The following TTF1 variants were observed in gnomAD, a reference collection of about 807,000 sequenced individuals.
The protein encoded by TTF1 is transcription termination factor 1, also known as transcription termination factor, RNA polymerase I.
A neutral mutation model predicts 80.2 loss-of-function variants in TTF1; 64 were observed. The observed-to-expected ratio is 0.80, with a 90% CI of 0.65 to 0.98. The LOEUF is 0.98. Among genes scored for constraint, TTF1 ranks in the 50% least tolerant of loss-of-function variants. The probability of loss-of-function intolerance (pLI) is 0.00; values close to 1 mark genes in which losing one functional copy is unlikely to be tolerated. For missense variants in TTF1, 1,023 were observed against 1,086.2 expected, an observed-to-expected ratio of 0.94 and a Z score of 0.82; for synonymous variants, 372 against 382.7, an observed-to-expected ratio of 0.97 and a Z score of 0.33.
intron 5 of TTF1, among the ~76,000 whole-genome samples, chr9:132,395,414 G>C (rs1358433537): frequency 2.0e-5 from 3 of 152,014 alleles, no homozygotes; most frequent in Admixed American, 6.5e-5. Context: ...TTTCATTCCT[G>C]TGTGTGTGTC....
At chr9:132,379,235 G>T in intron 9 of TTF1, 91 bp from the exon 10 acceptor site, 1 of 908,222 alleles carries the variant, frequency 1.1e-6, no homozygotes, top group South Asian at 2.0e-5. Context: ...TTCAGGTGAG[G>T]TTTATAGTTT....
rs771055856 is a variant in TTF1 at position 132,398,326 on chromosome 9, C to A, written c.1592G>T (p.Gly531Val). 6 of 1,603,330 alleles carry A rather than the reference C, an allele frequency of 3.7e-6. No homozygotes were observed. The Admixed American group carries it at 8.9e-5, about 24-fold the overall frequency. Residue 531 changes from glycine to valine, a missense_variant and splice_region_variant, in exon 4 of 11, where the codon GGT becomes GTT. By Grantham distance (109) the Gly-to-Val change is moderately radical (BLOSUM62 -3). Transcript: ENST00000334270. ...LERFKEFKAQ[G>V]VAIKFGKFSV... ...AAACTTGCCAAATTTAATAGCGACACCTAGAATTGGGAAGGAACAGGGAGA... is the reference window on the plus strand; with the variant it reads ...AAACTTGCCAAATTTAATAGCGACAACTAGAATTGGGAAGGAACAGGGAGA...
chr9:132,406,723 C>T (rs1397982083), intron 1 of TTF1, 67 bp downstream of exon 1: 1 of 152,100 alleles, frequency 6.6e-6, no homozygotes, highest in Admixed American at 6.5e-5. Context: ...GGAAACCCAC[C>T]ACCCCACGCT....
intron 4 of TTF1, 78 bp from the exon 5 acceptor site, chr9:132,396,589 T>G (rs1849653645): frequency 8.4e-7 from 1 of 1,190,570 alleles, no homozygotes; most frequent in Non-Finnish European, 1.3e-6. Flanking sequence ...AGAACAGCCC[T>G]TATAACAACA....
At chr9:132,379,396 A>AT (rs1849326641) in intron 9 of TTF1, among the ~76,000 whole-genome samples, 1 of 152,244 alleles carries the variant, frequency 6.6e-6, no homozygotes, top group Non-Finnish European at 1.5e-5. Context: ...TTAAATTAAG[A>AT]TAACTTGTAT....
Position 132,402,338 on chromosome 9 carries a change from T to C in TTF1, c.484A>G (p.Lys162Glu). The C allele has an allele frequency of 1.2e-6, 2 of 1,614,160 alleles. No homozygotes were observed. Among genetic ancestry groups the C allele is most frequent in the Non-Finnish European group, 1.7e-6 (2 of 1,180,012 alleles). Residue 162 changes from lysine to glutamate, a missense_variant, in exon 2 of 11, where the codon AAA becomes GAA. Transcript: ENST00000334270. Reference protein sequence around the residue: ...HAHKSEALHSKVREKKNKKHQ... With the variant: ...HAHKSEALHSEVREKKNKKHQ... ...TTTTTATTCTTTTTCTCCCTAACTTTACTGTGCAGGGCTTCTGATTTATGT... is the reference window on the plus strand; with the variant it reads ...TTTTTATTCTTTTTCTCCCTAACTTCACTGTGCAGGGCTTCTGATTTATGT...
rs760913419 is a variant in TTF1, at chr9:132,379,135, A to G, written c.2388T>C (p.Pro796=). 2 of 1,605,390 alleles carry G rather than the reference A, an allele frequency of 1.2e-6. No homozygotes were observed. Among genetic ancestry groups the G allele is most frequent in the East Asian group, 2.2e-5 (1 of 44,824 alleles). Residue 796 remains proline (P), a synonymous_variant, in exon 10 of 11, where the codon CCT becomes CCC. Coordinates refer to ENST00000334270, the MANE Select transcript of TTF1 (RefSeq NM_007344.4). ...EDLASAIGDV[P]PSYVQTKFSR... The stretch of plus-strand genomic sequence containing the variant: ...AAAATTTAGTTTGAACGTAAGATGG[A>G]GGAACATCACTTTAGAAAAGGAAAG...
chr9:132,402,110 C>T lies in TTF1; in HGVS notation c.712G>A (p.Glu238Lys). ...NREYETLAMP[E>K]GSQAGREAGT... is the part of the protein sequence containing the mutation. ...GCCTCTCTGCCTGCTTGCGATCCTT[C>T]AGGCATGGCCAGTGTCTCATATTCC... The change falls in exon 2 of 11, where the codon GAA (glutamate) becomes AAA (lysine). Residue 238 changes from glutamate (E) to lysine (K), a missense_variant. Coordinates refer to ENST00000334270, the MANE Select transcript of TTF1 (RefSeq NM_007344.4). 7.4e-6 allele frequency: 12 copies of T among 1,614,150 alleles called. No homozygotes were observed. Among genetic ancestry groups the T allele is most frequent in the South Asian group, 2.2e-5 (2 of 91,072 alleles).
chr9:132,402,228 C>T lies in TTF1; in HGVS notation c.594G>A (p.Trp198Ter). 1 of 1,614,140 alleles carries T rather than the reference C, an allele frequency of 6.2e-7. No homozygotes were observed. Among genetic ancestry groups the T allele is most frequent in the Non-Finnish European group, 8.5e-7 (1 of 1,180,030 alleles). ...TTTCACCCCCTGGACCCACAGAAAG[C>T]CAGGACTCCTCCTGGTGGGATTCTG... ...PQSESHQEES[W>*]LSVGPGGEIT... is the part of the protein sequence containing the mutation. The change falls in exon 2 of 11, where the codon TGG becomes TGA. Residue 198 changes from tryptophan to a stop codon, truncating the protein, a stop_gained. Coordinates refer to ENST00000334270, the MANE Select transcript of TTF1 (RefSeq NM_007344.4). LOFTEE classifies it high-confidence loss of function.
At chr9:132,377,723 T>C (rs1849242946) in intron 10 of TTF1, among the ~76,000 whole-genome samples, 1 of 102,696 alleles carries the variant, frequency 9.7e-6, no homozygotes. Context: ...AGTGCATGTG[T>C]GTGTGAGTGC....
chr9:132,392,877 TA>T (rs1300399267), intron 5 of TTF1, among the ~76,000 whole-genome samples: 5 of 152,216 alleles, frequency 3.3e-5, no homozygotes, highest in African/African-American at 1.2e-4. Flanking sequence ...CTCAATACAT[TA>T]AAAATGCCTA....
chr9:132,386,924 C>A (rs1288331659), intron 8 of TTF1, among the ~76,000 whole-genome samples: 1 of 152,220 alleles, frequency 6.6e-6, no homozygotes, highest in African/African-American at 2.4e-5. Flanking sequence ...CATAGACACA[C>A]AGTAAGAGGA....
chr9:132,387,357 A>T (rs1849487554), intron 8 of TTF1, among the ~76,000 whole-genome samples: 1 of 152,104 alleles, frequency 6.6e-6, no homozygotes, highest in Admixed American at 6.5e-5. Context: ...AGATTGCATG[A>T]CTAATAGGTG....
At chr9:132,381,350 C>T (rs1849368408) in intron 9 of TTF1, among the ~76,000 whole-genome samples, 1 of 152,004 alleles carries the variant, frequency 6.6e-6, no homozygotes, top group East Asian at 1.9e-4. Flanking sequence ...GCTACCACGC[C>T]CAGCTAATTT....
intron 10 of TTF1, among the ~76,000 whole-genome samples, chr9:132,378,310 T>A (rs1463183204): frequency 2.9e-5 from 4 of 135,754 alleles, no homozygotes; most frequent in African/African-American, 8.5e-5. Context: ...GTGGTGTGTG[T>A]GAGTGCATGT....
intron 1 of TTF1, among the ~76,000 whole-genome samples, chr9:132,404,398 G>T (rs1929904): frequency 4.0e-5 from 6 of 150,816 alleles, no homozygotes; most frequent in African/African-American, 1.2e-4. Context: ...CTCTCTCTCT[G>T]TCTCGCTGCA....
rs147922391 is a variant in TTF1, at chr9:132,395,371, T to G, written c.1856+1062A>C. ...CAGCACAAAGAGATGAACTGTTAGATTTTTAGAATGACTCTAAAAATTACT... is the reference window on the plus strand; with the variant it reads ...CAGCACAAAGAGATGAACTGTTAGAGTTTTAGAATGACTCTAAAAATTACT... On this transcript the variant is annotated intron_variant, in intron 5 of 10. Coordinates refer to ENST00000334270, the MANE Select transcript of TTF1 (RefSeq NM_007344.4). Among the ~76,000 whole-genome samples, 477 of 152,296 alleles carry G rather than the reference T, an allele frequency of 3.1e-3. 2 individuals carry two copies. The highest frequency in any genetic ancestry group is 0.011 in the African/African-American group (463 of 41,560).
intron 2 of TTF1, among the ~76,000 whole-genome samples, chr9:132,401,057 C>A (rs151077583): frequency 6.6e-6 from 1 of 152,120 alleles, no homozygotes; most frequent in African/African-American, 2.4e-5. Context: ...AGGGTAGGCA[C>A]GGTGGTTCAC....
chr9:132,390,976 A>G (rs1849549744), intron 6 of TTF1, 145 bp from the exon 7 acceptor site: 1 of 709,308 alleles, frequency 1.4e-6, no homozygotes, highest in South Asian at 2.0e-5. Context: ...AATTATGTGC[A>G]TATTAAAATG....
Sources: gnomAD v4.1 joint callset for allele counts (sites outside exome capture counted in the v4.1 genomes callset) on GRCh38, gnomAD v4.1.1 for gene constraint, MANE v1.5 for transcripts, NCBI Gene and HGNC (gene_info 2026-07-23, HGNC 2026-07-21) for gene names.